The following TBC1D5 variants were observed in gnomAD, a reference collection of about 807,000 sequenced individuals.
The protein encoded by TBC1D5 is TBC1 domain family member 5, also known as TBC1 domain family, member 5.
Under a neutral mutation model 100.3 loss-of-function variants are expected in TBC1D5, and 75 were observed. The observed-to-expected ratio is 0.75, with a 90% CI of 0.62 to 0.91. TBC1D5 has a LOEUF of 0.91. TBC1D5 is among the 40% of genes least tolerant of loss of function. TBC1D5 has a pLI of 0.00. For missense variants in TBC1D5, 910 were observed against 942.4 expected, an observed-to-expected ratio of 0.97 and a Z score of 0.45; for synonymous variants, 323 against 325.6, an observed-to-expected ratio of 0.99 and a Z score of 0.09.
At chr3:17,616,788 A>C (rs2062202935) in intron 2 of TBC1D5, among the ~76,000 whole-genome samples, 3 of 151,944 alleles carry the variant, frequency 2.0e-5, no homozygotes, top group Admixed American at 1.3e-4. Flanking sequence ...GTGTCTCTGC[A>C]CCTGAGATGG....
intron 15 of TBC1D5, among the ~76,000 whole-genome samples, chr3:17,265,162 TAATC>T (rs1236741170): frequency 6.6e-6 from 1 of 152,182 alleles, no homozygotes; most frequent in Non-Finnish European, 1.5e-5. Flanking sequence ...GAGAATATAA[TAATC>T]AAAGTGATTT....
At chr3:17,727,934 G>C (rs1029172247) in intron 1 of TBC1D5, among the ~76,000 whole-genome samples, 1 of 152,026 alleles carries the variant, frequency 6.6e-6, no homozygotes, top group African/African-American at 2.4e-5. Flanking sequence ...ATATTACAAA[G>C]TAATATACAA....
chr3:17,287,269 CA>C (rs2081274981), intron 15 of TBC1D5, among the ~76,000 whole-genome samples: 1 of 152,176 alleles, frequency 6.6e-6, no homozygotes. Context: ...TCAATTCTAT[CA>C]TTATTTCCTT....
chr3:17,697,167 C>A (rs532541840), intron 1 of TBC1D5, among the ~76,000 whole-genome samples: 2 of 152,106 alleles, frequency 1.3e-5, no homozygotes, highest in African/African-American at 4.8e-5. Flanking sequence ...GGGCAACAAC[C>A]GGAAGCATTT....
At chr3:17,463,173 C>A (rs1056650918) in intron 3 of TBC1D5, among the ~76,000 whole-genome samples, 1 of 152,184 alleles carries the variant, frequency 6.6e-6, no homozygotes, top group African/African-American at 2.4e-5. Flanking sequence ...TGTAGAGATT[C>A]TTCCTGGTGT....
intron 15 of TBC1D5, among the ~76,000 whole-genome samples, chr3:17,273,003 C>T (rs1445853164): frequency 6.6e-6 from 1 of 152,126 alleles, no homozygotes; most frequent in African/African-American, 2.4e-5. Context: ...TTTTCTCAAC[C>T]CTCTACAATC....
chr3:17,163,306 A>AAAT (rs2125051954), intron 21 of TBC1D5, among the ~76,000 whole-genome samples: 1 of 148,910 alleles, frequency 6.7e-6, no homozygotes, highest in East Asian at 2.0e-4. Flanking sequence ...AAACGAGCCC[A>AAAT]AATAGGAGAC....
chr3:17,250,556 C>T (rs946080674), intron 16 of TBC1D5, among the ~76,000 whole-genome samples: 14 of 152,228 alleles, frequency 9.2e-5, no homozygotes, highest in Non-Finnish European at 1.3e-4. Context: ...CCAGCCATAC[C>T]GGCCTGCTTA....
chr3:17,600,261 G>A (rs2060846344), intron 2 of TBC1D5, among the ~76,000 whole-genome samples: 1 of 152,040 alleles, frequency 6.6e-6, no homozygotes, highest in African/African-American at 2.4e-5. Flanking sequence ...GGAGGTGATA[G>A]GTGTATATAA....
intron 19 of TBC1D5, among the ~76,000 whole-genome samples, chr3:17,179,940 G>C (rs1264499086): frequency 1.3e-5 from 2 of 152,144 alleles, no homozygotes; most frequent in Non-Finnish European, 2.9e-5. Flanking sequence ...TAAACAGCTG[G>C]CAGCTCAGCC....
intron 1 of TBC1D5, among the ~76,000 whole-genome samples, chr3:17,634,366 T>C (rs956111577): frequency 6.6e-6 from 1 of 152,222 alleles, no homozygotes; most frequent in East Asian, 1.9e-4. Flanking sequence ...ATGTGCTACA[T>C]ATAAACAATG....
chr3:17,306,340 G>C (rs1267400558), intron 14 of TBC1D5, among the ~76,000 whole-genome samples: 1 of 152,114 alleles, frequency 6.6e-6, no homozygotes, highest in Non-Finnish European at 1.5e-5. Context: ...AACTTCTTGA[G>C]GACAGGAGCA....
chr3:17,175,386 AT>A (rs2067608143), intron 19 of TBC1D5, among the ~76,000 whole-genome samples: 1 of 152,212 alleles, frequency 6.6e-6, no homozygotes, highest in Admixed American at 6.5e-5. Flanking sequence ...TTGGCATATT[AT>A]TCTCCTAGCA....
chr3:17,390,788 C>T (rs976192425), intron 8 of TBC1D5, among the ~76,000 whole-genome samples: 16 of 152,124 alleles, frequency 1.1e-4, no homozygotes, highest in African/African-American at 3.9e-4. Context: ...GCCAAGACCA[C>T]AACAAGGAAC....
intron 2 of TBC1D5, among the ~76,000 whole-genome samples, chr3:17,587,265 A>G (rs997187142): frequency 6.6e-6 from 1 of 152,058 alleles, no homozygotes; most frequent in African/African-American, 2.4e-5. Context: ...TTAATAATAA[A>G]AAATTACTGA....
intron 2 of TBC1D5, chr3:17,575,294 G>A (rs1163935297): frequency 6.7e-6 from 1 of 149,490 alleles, no homozygotes; most frequent in African/African-American, 2.5e-5. Flanking sequence ...CAGTCTTGGC[G>A]ACAGAGTGAA....
In TBC1D5 at chr3:17,390,667, A is replaced by C. The variant is rs1002159611; in HGVS notation, c.510-6652T>G. ...GGAAAATCAAAACAAGCACTCATCC[A>C]AAATTTTTAAATGAGCTGATGAAAA... On this transcript the variant is annotated intron_variant, in intron 8 of 21. Coordinates refer to ENST00000253692, the Ensembl canonical transcript of TBC1D5. Among the ~76,000 whole-genome samples the C allele has an allele frequency of 3.9e-5, 6 of 152,256 alleles. No individual in the cohort carries two copies. In the East Asian group the frequency reaches 9.7e-4, roughly 25 times the overall value.
intron 8 of TBC1D5, among the ~76,000 whole-genome samples, chr3:17,386,728 T>C (rs11922701): frequency 0.09 from 13,710 of 152,206 alleles, 1,419 homozygotes; most frequent in African/African-American, 0.26. Flanking sequence ...TGTGCTGGCG[T>C]CTCTGAGCCT....
chr3:17,609,171 T>C (rs1204737896), intron 2 of TBC1D5, among the ~76,000 whole-genome samples: 1 of 152,236 alleles, frequency 6.6e-6, no homozygotes, highest in African/African-American at 2.4e-5. Context: ...TTTGAAATTA[T>C]CATTTAGTTA....
Sources: allele counts gnomAD v4.1 joint callset (sites outside exome capture counted in the v4.1 genomes callset), GRCh38; gene constraint gnomAD v4.1.1; transcripts MANE v1.5; gene names NCBI Gene and HGNC (gene_info 2026-07-23, HGNC 2026-07-21).